DLG2: variants seen among roughly 807,000 people sequenced by gnomAD.
DLG2 encodes the protein disks large homolog 2.
In DLG2, 45 loss-of-function variants were observed where a neutral mutation model predicts 132.5. That is an observed-to-expected ratio of 0.34 (90% CI 0.27 to 0.44). The LOEUF (loss-of-function observed/expected upper bound fraction) is 0.44, where lower values mean the gene tolerates loss of function less well. DLG2 is among the 20% of genes least tolerant of loss of function. DLG2 has a pLI of 1.00. For missense variants in DLG2, 1,045 were observed against 1,196.9 expected (o/e 0.87, Z 1.87); for synonymous variants, 424 against 419.6 (o/e 1.01, Z -0.13).
chr11:84,640,321 T>C (rs1280342884), intron 6 of DLG2: 4 of 349,916 alleles, frequency 1.1e-5, no homozygotes, highest in East Asian at 8.3e-5. Flanking sequence ...GGGTCTCTTG[T>C]TGACATCCGA....
At chr11:83,792,094 G>T (rs1329075383) in intron 17 of DLG2, among the ~76,000 whole-genome samples, 1 of 152,042 alleles carries the variant, frequency 6.6e-6, no homozygotes, top group Non-Finnish European at 1.5e-5. Flanking sequence ...CCTTTTTAAT[G>T]AAAGCCCAGT....
At chr11:84,231,935 T>C (rs1252040154) in intron 8 of DLG2, among the ~76,000 whole-genome samples, 1 of 152,060 alleles carries the variant, frequency 6.6e-6, no homozygotes, top group Admixed American at 6.6e-5. Context: ...TAAGGATTAC[T>C]GATCACATAC....
intron 6 of DLG2, among the ~76,000 whole-genome samples, chr11:85,020,414 G>A (rs952647943): frequency 1.1e-4 from 16 of 152,000 alleles, no homozygotes; most frequent in East Asian, 1.9e-4. Context: ...TCTGTAGGTC[G>A]CCTGTTCACT....
chr11:85,473,440 A>C (rs2093047188), intron 3 of DLG2, among the ~76,000 whole-genome samples: 3 of 152,366 alleles, frequency 2.0e-5, no homozygotes. Flanking sequence ...AGCAAGAGCA[A>C]TGTTTATCAT....
In DLG2 at chr11:83,488,621, A is replaced by T. The variant is rs575988787; in HGVS notation, c.2194-4393T>A. 9.3e-4 allele frequency among the ~76,000 whole-genome samples: 141 copies of T among 152,120 alleles called. 2 individuals carry two copies. The highest frequency in any genetic ancestry group is 3.4e-3 in the African/African-American group (140 of 41,552). On this transcript the variant is annotated intron_variant, in intron 21 of 27. Coordinates refer to ENST00000376104, the MANE Select transcript of DLG2 (RefSeq NM_001142699.3). ...CCTCATCTTCCTGTTCTTATTTCTCAAGCTTTAAAAAAGTTTCATAGTTCT... is the reference window on the plus strand; with the variant it reads ...CCTCATCTTCCTGTTCTTATTTCTCTAGCTTTAAAAAAGTTTCATAGTTCT...
At chr11:84,616,422 A>T (rs542064726) in intron 6 of DLG2, among the ~76,000 whole-genome samples, 12 of 152,134 alleles carry the variant, frequency 7.9e-5, no homozygotes, top group Non-Finnish European at 1.8e-4. Flanking sequence ...TATTGTTAGG[A>T]TGATGATTTT....
chr11:85,544,800 G>C (rs2076200787), intron 3 of DLG2, among the ~76,000 whole-genome samples: 1 of 151,824 alleles, frequency 6.6e-6, no homozygotes, highest in South Asian at 2.1e-4. Flanking sequence ...GTGTGTTACT[G>C]GCGTATAAGA....
intron 3 of DLG2, among the ~76,000 whole-genome samples, chr11:85,572,604 G>T (rs1590906545): frequency 6.6e-6 from 1 of 151,924 alleles, no homozygotes; most frequent in African/African-American, 2.4e-5. Flanking sequence ...CCAAGAAGTT[G>T]TATCCCATTC....
chr11:85,162,954 T>C (rs1050115820), intron 4 of DLG2, among the ~76,000 whole-genome samples: 1 of 152,138 alleles, frequency 6.6e-6, no homozygotes, highest in South Asian at 2.1e-4. Context: ...GACCCACCCT[T>C]AATCTGGATA....
In DLG2 at chr11:85,439,753, G is replaced by C. The variant is rs761287981; in HGVS notation, c.41-154388C>G. Reference sequence around the variant, plus strand: ...TATGTGTGAAACAAAAAGTCAAAAAGTAGTAACAGAGTATAGAGTAATGGC... The same window carrying C: ...TATGTGTGAAACAAAAAGTCAAAAACTAGTAACAGAGTATAGAGTAATGGC... On this transcript the variant is annotated intron_variant, in intron 3 of 27. Coordinates refer to ENST00000376104, the MANE Select transcript of DLG2 (RefSeq NM_001142699.3). 5.9e-5 allele frequency among the ~76,000 whole-genome samples: 9 copies of C among 152,236 alleles called. No homozygotes were observed. In the South Asian group the frequency reaches 1.0e-3, roughly 18 times the overall value.
chr11:83,497,082 G>T (rs10898127), intron 21 of DLG2, among the ~76,000 whole-genome samples: 93,558 of 152,038 alleles, frequency 0.62, 29,398 homozygotes, highest in African/African-American at 0.73. Flanking sequence ...CTCTGGGATT[G>T]AGAGCATGAC....
intron 7 of DLG2, among the ~76,000 whole-genome samples, chr11:84,404,701 C>T (rs1431482902): frequency 6.6e-6 from 1 of 151,800 alleles, no homozygotes; most frequent in Admixed American, 6.6e-5. Flanking sequence ...ACTTTTGTAC[C>T]TGAAACAACT....
At chr11:84,663,251 T>A (rs969633420) in intron 6 of DLG2, among the ~76,000 whole-genome samples, 24 of 128,996 alleles carry the variant, frequency 1.9e-4, no homozygotes, top group African/African-American at 3.0e-4. Context: ...ATATATATAT[T>A]TTTTTTTCAT....
chr11:83,989,812 T>G (rs2093602503), intron 11 of DLG2, among the ~76,000 whole-genome samples: 1 of 152,164 alleles, frequency 6.6e-6, no homozygotes, highest in Non-Finnish European at 1.5e-5. Flanking sequence ...TACAATGAGT[T>G]CCTGACTCAA....
At chr11:84,564,209 G>T (rs1195041872) in intron 6 of DLG2, among the ~76,000 whole-genome samples, 4 of 152,138 alleles carry the variant, frequency 2.6e-5, no homozygotes, top group African/African-American at 9.7e-5. Context: ...GTATTATTGG[G>T]GGTTTTTATA....
intron 7 of DLG2, among the ~76,000 whole-genome samples, chr11:84,339,540 G>A (rs1196359212): frequency 6.6e-6 from 1 of 152,078 alleles, no homozygotes; most frequent in East Asian, 1.9e-4. Context: ...GATCTCTCCT[G>A]CTTTCAGTTC....
intron 2 of DLG2, among the ~76,000 whole-genome samples, chr11:85,608,461 T>G (rs2080750082): frequency 6.6e-6 from 1 of 152,138 alleles, no homozygotes; most frequent in South Asian, 2.1e-4. Context: ...TGAAATACCT[T>G]ACGTCCATGC....
chr11:85,606,128 T>C (rs1374161706), intron 2 of DLG2, among the ~76,000 whole-genome samples: 1 of 152,228 alleles, frequency 6.6e-6, no homozygotes, highest in Non-Finnish European at 1.5e-5. Context: ...AAGAGGAATA[T>C]GACCATTTTT....
chr11:84,410,526 A>G (rs1278720106), intron 7 of DLG2, among the ~76,000 whole-genome samples: 7 of 151,890 alleles, frequency 4.6e-5, no homozygotes, highest in South Asian at 4.2e-4. Context: ...GAAAACACCT[A>G]TCAATGACTC....
Sources: gnomAD v4.1 joint callset for allele counts (sites outside exome capture counted in the v4.1 genomes callset) on GRCh38, gnomAD v4.1.1 for gene constraint, MANE v1.5 for transcripts, NCBI Gene and HGNC (gene_info 2026-07-23, HGNC 2026-07-21) for gene names.